PTPRD: variants seen among roughly 807,000 people sequenced by gnomAD.
PTPRD encodes receptor-type tyrosine-protein phosphatase delta.
PTPRD carries 34 observed loss-of-function variants against 214.5 expected under a neutral mutation model. That is an observed-to-expected ratio of 0.16 (90% CI 0.12 to 0.21). PTPRD has a LOEUF of 0.21. Among genes scored for constraint, PTPRD ranks in the 10% least tolerant of loss-of-function variants. The pLI is 1.00. For synonymous variants in PTPRD, 1,128 were observed against 845.7 expected, an observed-to-expected ratio of 1.33 and a Z score of -5.79; for missense variants, 2,545 against 2,398.7, an observed-to-expected ratio of 1.06 and a Z score of -1.27.
rs538646061 is a variant in PTPRD, at chr9:8,344,424, A to C, written c.4662-2446T>G. Among the ~76,000 whole-genome samples the C allele has an allele frequency of 2.6e-5, 4 of 151,764 alleles. No homozygotes were observed. In the South Asian group the frequency reaches 8.3e-4, roughly 32 times the overall value. On this transcript the variant is annotated intron_variant, in intron 39 of 45. Transcript: ENST00000381196. Reference sequence around the variant, plus strand: ...AATTGGTAGGAATAACTCCAACTCTAAACAGTATCAACCTTTTCATAATGG... The same window carrying C: ...AATTGGTAGGAATAACTCCAACTCTCAACAGTATCAACCTTTTCATAATGG...
At chr9:10,266,044 T>C (rs2094031527) in intron 3 of PTPRD, among the ~76,000 whole-genome samples, 1 of 152,120 alleles carries the variant, frequency 6.6e-6, no homozygotes, top group Non-Finnish European at 1.5e-5. Flanking sequence ...AATATAAATA[T>C]AACTAAAACT....
chr9:8,588,676 T>C (rs923942577), intron 14 of PTPRD, among the ~76,000 whole-genome samples: 10 of 152,200 alleles, frequency 6.6e-5, no homozygotes, highest in African/African-American at 2.4e-4. Flanking sequence ...TGCATACACG[T>C]ACCAAGATAA....
chr9:8,969,356 A>G (rs968190386), intron 11 of PTPRD, among the ~76,000 whole-genome samples: 1 of 152,080 alleles, frequency 6.6e-6, no homozygotes, highest in African/African-American at 2.4e-5. Context: ...TATGACCATC[A>G]AAGCCACTCC....
chr9:8,488,124 G>C (rs950146674), intron 27 of PTPRD, among the ~76,000 whole-genome samples: 1 of 152,110 alleles, frequency 6.6e-6, no homozygotes, highest in African/African-American at 2.4e-5. Context: ...TGGGGATATA[G>C]ATGAAGGTAA....
chr9:10,454,367 A>T (rs946964271), intron 2 of PTPRD, among the ~76,000 whole-genome samples: 1 of 151,578 alleles, frequency 6.6e-6, no homozygotes, highest in Admixed American at 6.6e-5. Context: ...TCTAATCATG[A>T]CAATACATCT....
intron 8 of PTPRD, among the ~76,000 whole-genome samples, chr9:9,465,650 C>G (rs1167220166): frequency 6.6e-6 from 1 of 152,132 alleles, no homozygotes; most frequent in South Asian, 2.1e-4. Context: ...ATCTTTTTGC[C>G]TTTTTCTATG....
At chr9:10,227,723 C>T (rs559927796) in intron 3 of PTPRD, among the ~76,000 whole-genome samples, 2 of 152,024 alleles carry the variant, frequency 1.3e-5, no homozygotes, top group African/African-American at 4.8e-5. Context: ...TATTTGCTTG[C>T]TTGTTTGTTT....
rs1211560955 is a variant in PTPRD, at chr9:9,019,115, G to T, written c.-142-380C>A. ...AAACCTATGAAGAATTCTTACAAAA[G>T]GGAGTATTTCTTGTGTTGAAAACCT... On this transcript the variant is annotated intron_variant, in intron 10 of 45. Transcript: ENST00000381196. Among the ~76,000 whole-genome samples the T allele has an allele frequency of 3.3e-5, 5 of 152,070 alleles. No individual in the cohort carries two copies. In the East Asian group the frequency reaches 9.7e-4, roughly 29 times the overall value.
chr9:8,757,950 G>A (rs1417075697), intron 11 of PTPRD, among the ~76,000 whole-genome samples: 1 of 152,156 alleles, frequency 6.6e-6, no homozygotes, highest in Non-Finnish European at 1.5e-5. Flanking sequence ...CACAGAAGCA[G>A]ACTGGTGGTT....
chr9:8,429,042 C>G (rs1039411692), intron 35 of PTPRD, among the ~76,000 whole-genome samples: 1 of 152,186 alleles, frequency 6.6e-6, no homozygotes, highest in African/African-American at 2.4e-5. Flanking sequence ...TGGAGAAAAG[C>G]AATGCGTCCT....
chr9:9,446,859 T>A (rs936206824), intron 8 of PTPRD, among the ~76,000 whole-genome samples: 2 of 152,034 alleles, frequency 1.3e-5, no homozygotes, highest in African/African-American at 4.8e-5. Flanking sequence ...GCAAAGGACA[T>A]GAACAGACAC....
At chr9:9,316,510 T>G (rs1333829166) in intron 9 of PTPRD, among the ~76,000 whole-genome samples, 1 of 152,124 alleles carries the variant, frequency 6.6e-6, no homozygotes, top group African/African-American at 2.4e-5. Flanking sequence ...ATAAAAAATG[T>G]TGGACATGAT....
At chr9:8,384,644 C>A (rs143556418) in intron 37 of PTPRD, among the ~76,000 whole-genome samples, 1,907 of 152,100 alleles carry the variant, frequency 0.013, 44 homozygotes, top group African/African-American at 0.044. Flanking sequence ...CTCCTGCCTC[C>A]GCCTCCTGAG....
At position 10,093,715 on chromosome 9, in the gene PTPRD, G is replaced by A. The variant is rs537945949; in HGVS notation, c.-544-59925C>T. On this transcript the variant is annotated intron_variant, in intron 3 of 45. Coordinates refer to ENST00000381196, the MANE Select transcript of PTPRD (RefSeq NM_002839.4). ...CCCAGGTGCCCATCTATGGTGGATC[G>A]GATAAACAAAATTTGATACATCTTG... is the stretch of plus-strand genomic sequence containing the variant. Among the ~76,000 whole-genome samples the A allele has an allele frequency of 5.9e-5, 9 of 151,392 alleles. No homozygotes were observed. The South Asian group carries it at 1.0e-3, about 17-fold the overall frequency.
chr9:8,902,100 C>T (rs545815036), intron 11 of PTPRD, among the ~76,000 whole-genome samples: 27 of 151,778 alleles, frequency 1.8e-4, no homozygotes, highest in African/African-American at 6.1e-4. Context: ...GAGTCTATTA[C>T]TGTATTATCA....
At chr9:8,900,025 A>G (rs2098654456) in intron 11 of PTPRD, among the ~76,000 whole-genome samples, 1 of 152,170 alleles carries the variant, frequency 6.6e-6, no homozygotes, top group Non-Finnish European at 1.5e-5. Flanking sequence ...ATTTTTTACT[A>G]AAATCTTTGG....
chr9:8,383,560 T>A (rs935706331), intron 37 of PTPRD, among the ~76,000 whole-genome samples: 2 of 152,184 alleles, frequency 1.3e-5, no homozygotes, highest in African/African-American at 4.8e-5. Context: ...ATCATCTGGT[T>A]TGTATGATTC....
intron 2 of PTPRD, among the ~76,000 whole-genome samples, chr9:10,565,050 TA>T (rs1384247296): frequency 6.6e-6 from 1 of 152,102 alleles, no homozygotes; most frequent in African/African-American, 2.4e-5. Context: ...TAATGTAGCA[TA>T]TTTTTTATAA....
At chr9:8,578,110 TA>T (rs2092661222) in intron 14 of PTPRD, among the ~76,000 whole-genome samples, 1 of 152,222 alleles carries the variant, frequency 6.6e-6, no homozygotes, top group Non-Finnish European at 1.5e-5. Context: ...CTTAGCATGC[TA>T]TCGGTCTGTA....
Sources: allele counts gnomAD v4.1 joint callset (sites outside exome capture counted in the v4.1 genomes callset), GRCh38; gene constraint gnomAD v4.1.1; transcripts MANE v1.5; gene names NCBI Gene and HGNC (gene_info 2026-07-23, HGNC 2026-07-21).